AKAP6: variants seen among roughly 807,000 people sequenced by gnomAD.
AKAP6 encodes the protein A-kinase anchor protein 6.
In AKAP6, 58 loss-of-function variants were observed where a neutral mutation model predicts 188.5. That is an observed-to-expected ratio of 0.31 (90% CI 0.25 to 0.38). AKAP6 has a LOEUF of 0.38. Among genes scored for constraint, AKAP6 ranks in the 10% least tolerant of loss-of-function variants. The pLI is 1.00. For synonymous variants in AKAP6, 989 were observed against 998.6 expected, an observed-to-expected ratio of 0.99 and a Z score of 0.18; for missense variants, 2,710 against 2,740.0, an observed-to-expected ratio of 0.99 and a Z score of 0.24.
At chr14:32,604,146 A>G (rs1173250005) in intron 7 of AKAP6, among the ~76,000 whole-genome samples, 1 of 152,230 alleles carries the variant, frequency 6.6e-6, no homozygotes, top group Non-Finnish European at 1.5e-5. Context: ...CAGCTTACCA[A>G]GAATAACATT....
intron 7 of AKAP6, among the ~76,000 whole-genome samples, chr14:32,668,998 T>C (rs1301436038): frequency 6.6e-6 from 1 of 152,158 alleles, no homozygotes; most frequent in Non-Finnish European, 1.5e-5. Flanking sequence ...TCCAACAAAC[T>C]TAGTAAGTCT....
In AKAP6 at chr14:32,445,084, G is replaced by A. The variant is rs142613089; in HGVS notation, c.324+11267G>A. 3.0e-3 allele frequency among the ~76,000 whole-genome samples: 451 copies of A among 152,336 alleles called. 1 individual carries two copies. Among genetic ancestry groups the A allele is most frequent in the African/African-American group, 9.3e-3 (387 of 41,572 alleles). ...GTTAGCTTCTATCTGTCCTCCCACAGTCCAAATGCTTGGGCATGGCCTCTA... is the reference window on the plus strand; with the variant it reads ...GTTAGCTTCTATCTGTCCTCCCACAATCCAAATGCTTGGGCATGGCCTCTA... On this transcript the variant is annotated intron_variant, in intron 2 of 13. Transcript: ENST00000280979.
intron 12 of AKAP6, among the ~76,000 whole-genome samples, chr14:32,800,061 C>CTCTCTATATA (rs377693074): frequency 0.13 from 18,223 of 136,752 alleles, 1,325 homozygotes; most frequent in Admixed American, 0.15. Flanking sequence ...CTCTCTCTCT[C>CTCTCTATATA]TATATATATA....
At chr14:32,454,737 C>T (rs1294861383) in intron 2 of AKAP6, among the ~76,000 whole-genome samples, 5 of 19,242 alleles carry the variant, frequency 2.6e-4, no homozygotes, top group Admixed American at 7.1e-4. Context: ...CCCTCCTTCC[C>T]TCCCTCCCTC....
At chr14:32,724,609 T>A (rs534841240) in intron 9 of AKAP6, among the ~76,000 whole-genome samples, 15 of 152,272 alleles carry the variant, frequency 9.9e-5, no homozygotes, top group African/African-American at 3.6e-4. Context: ...AATTAAAATT[T>A]CCATATATCC....
In AKAP6 at chr14:32,535,029, T is replaced by C. The variant is rs557490338; in HGVS notation, c.325-525T>C. 7.3e-5 allele frequency among the ~76,000 whole-genome samples: 11 copies of C among 150,244 alleles called. No individual in the cohort carries two copies. The East Asian group carries it at 2.1e-3, about 29-fold the overall frequency. On this transcript the variant is annotated intron_variant, in intron 2 of 13. Coordinates refer to ENST00000280979, the MANE Select transcript of AKAP6 (RefSeq NM_004274.5). Reference sequence around the variant, plus strand: ...AACACTGAATTTGAATATTAAGTTGTATACTTGTGGGAGAGTGACAATTGC... The same window carrying C: ...AACACTGAATTTGAATATTAAGTTGCATACTTGTGGGAGAGTGACAATTGC...
chr14:32,724,169 T>G (rs758242750), intron 9 of AKAP6, among the ~76,000 whole-genome samples: 1 of 152,246 alleles, frequency 6.6e-6, no homozygotes, highest in Non-Finnish European at 1.5e-5. Context: ...CATATTATAC[T>G]TTATTGATCA....
At position 32,824,098 on chromosome 14, in the gene AKAP6, G is replaced by A; in HGVS notation, c.6285G>A (p.Leu2095=). 2 of 1,613,884 alleles carry A rather than the reference G, an allele frequency of 1.2e-6. No homozygotes were observed. The highest frequency in any genetic ancestry group is 1.1e-5 in the South Asian group (1 of 91,082). Residue 2095 remains leucine, a synonymous_variant, in exon 13 of 14, where the codon TTG becomes TTA. Coordinates refer to ENST00000280979, the MANE Select transcript of AKAP6 (RefSeq NM_004274.5). ...TSLTQIKEKV[L]EHSHRPIQLR... is the part of the protein sequence containing the mutation. ...TAACTCAAATCAAGGAGAAAGTGTT[G>A]GAGCATTCTCACCGGCCCATCCAGC...
rs140438588 is a variant in AKAP6, at chr14:32,783,118, A to G, written c.3588+9225A>G. ...AAATAGAGCTACACATAAATGGTCAATTAATTTTTAATAGAAGTACAAAGG... is the reference window on the plus strand; with the variant it reads ...AAATAGAGCTACACATAAATGGTCAGTTAATTTTTAATAGAAGTACAAAGG... On this transcript the variant is annotated intron_variant, in intron 12 of 13. Coordinates refer to ENST00000280979, the MANE Select transcript of AKAP6 (RefSeq NM_004274.5). Among the ~76,000 whole-genome samples the G allele has an allele frequency of 3.3e-5, 5 of 152,288 alleles. No homozygotes were observed. In the South Asian group the frequency reaches 8.3e-4, roughly 25 times the overall value.
At chr14:32,678,662 TTC>T (rs1213231224) in intron 8 of AKAP6, among the ~76,000 whole-genome samples, 4 of 152,152 alleles carry the variant, frequency 2.6e-5, no homozygotes, top group Non-Finnish European at 5.9e-5. Context: ...ACCCAGAACT[TTC>T]TGACTCATTA....
chr14:32,696,402 G>C (rs1389290535), intron 9 of AKAP6, among the ~76,000 whole-genome samples: 3 of 152,148 alleles, frequency 2.0e-5, no homozygotes, highest in Non-Finnish European at 4.4e-5. Context: ...TTCATAAATA[G>C]ACTGAAACAA....
intron 7 of AKAP6, among the ~76,000 whole-genome samples, chr14:32,661,312 T>C (rs1334698216): frequency 6.6e-6 from 1 of 151,972 alleles, no homozygotes; most frequent in East Asian, 1.9e-4. Context: ...GCAATCAGAA[T>C]TGGAAAGGAA....
At chr14:32,462,304 G>A (rs970836472) in intron 2 of AKAP6, among the ~76,000 whole-genome samples, 1 of 152,060 alleles carries the variant, frequency 6.6e-6, no homozygotes, top group African/African-American at 2.4e-5. Flanking sequence ...TGTAATGAAG[G>A]AAAAAATATT....
chr14:32,570,124 C>CTTTTTTTTTTTTT (rs60851991), intron 4 of AKAP6, among the ~76,000 whole-genome samples: 1 of 74,810 alleles, frequency 1.3e-5, no homozygotes, highest in Non-Finnish European at 2.3e-5. Flanking sequence ...TGTGTGGGAA[C>CTTTTTTTTTTTTT]TTTTTTTTTT....
intron 11 of AKAP6, among the ~76,000 whole-genome samples, chr14:32,764,693 AAT>A (rs2032649419): frequency 1.2e-5 from 1 of 81,004 alleles, no homozygotes; most frequent in African/African-American, 5.2e-5. Flanking sequence ...AGATGACAAT[AAT>A]ACACACACAC....
chr14:32,527,816 T>C (rs1469803316), intron 2 of AKAP6, among the ~76,000 whole-genome samples: 1 of 152,232 alleles, frequency 6.6e-6, no homozygotes, highest in African/African-American at 2.4e-5. Flanking sequence ...TTTCTTTTTG[T>C]TGAGCTTTAA....
At chr14:32,732,060 T>G (rs1019392427) in intron 9 of AKAP6, among the ~76,000 whole-genome samples, 9 of 152,070 alleles carry the variant, frequency 5.9e-5, no homozygotes, top group African/African-American at 2.2e-4. Flanking sequence ...ATAATTTTTT[T>G]TCTTTCACTT....
chr14:32,654,828 G>A (rs1412623566), intron 7 of AKAP6, among the ~76,000 whole-genome samples: 2 of 147,888 alleles, frequency 1.4e-5, no homozygotes, highest in African/African-American at 2.5e-5. Flanking sequence ...CAGTCTGGGT[G>A]ACAGGGCGAG....
intron 2 of AKAP6, among the ~76,000 whole-genome samples, chr14:32,462,901 C>CAAAAGAAAAA (rs1891379533): frequency 1.1e-4 from 1 of 8,822 alleles, no homozygotes; most frequent in African/African-American, 4.5e-4. Flanking sequence ...AAATGGAAAG[C>CAAAAGAAAAA]AAAAAAAAAA....
Sources: gnomAD v4.1 joint callset for allele counts (sites outside exome capture counted in the v4.1 genomes callset) on GRCh38, gnomAD v4.1.1 for gene constraint, MANE v1.5 for transcripts, NCBI Gene and HGNC (gene_info 2026-07-23, HGNC 2026-07-21) for gene names.